ADAMTS18: variants seen among roughly 807,000 people sequenced by gnomAD.
ADAMTS18 encodes ADAM metallopeptidase with thrombospondin type 1 motif 18.
A neutral mutation model predicts 165.9 loss-of-function variants in ADAMTS18; 157 were observed. That is an observed-to-expected ratio of 0.95 (90% CI 0.83 to 1.08). The LOEUF is 1.08. Among genes scored for constraint, ADAMTS18 ranks in the 50% least tolerant of loss-of-function variants. The pLI is 0.00. For synonymous variants in ADAMTS18, 782 were observed against 578.2 expected (o/e 1.35, Z -5.06); for missense variants, 2,040 against 1,534.0 (o/e 1.33, Z -5.51).
intron 12 of ADAMTS18, among the ~76,000 whole-genome samples, chr16:77,334,777 TAGTATACAGTAA>T (rs2056273238): frequency 1.9e-5 from 2 of 106,616 alleles, no homozygotes; most frequent in Admixed American, 2.4e-4. Flanking sequence ...ATATATACTA[TAGTATACAGTAA>T]ATATACTATA....
At chr16:77,353,991 G>A in intron 9 of ADAMTS18, 105 bp from the exon 10 acceptor site, 3 of 1,377,178 alleles carry the variant, frequency 2.2e-6, no homozygotes, top group Non-Finnish European at 3.1e-6. Context: ...ATATAGCATG[G>A]TTCTAGAAAC....
chr16:77,391,405 C>G (rs574953335), intron 3 of ADAMTS18, among the ~76,000 whole-genome samples: 1 of 151,722 alleles, frequency 6.6e-6, no homozygotes, highest in Non-Finnish European at 1.5e-5. Context: ...GCAGAAGAAT[C>G]GCTTGAACCT....
chr16:77,337,882 A>G (rs1453841538), intron 11 of ADAMTS18, among the ~76,000 whole-genome samples: 1 of 150,814 alleles, frequency 6.6e-6, no homozygotes, highest in Non-Finnish European at 1.5e-5. Flanking sequence ...TACACCTGTA[A>G]TTTTATCCAT....
At position 77,282,567 on chromosome 16, in the gene ADAMTS18, G is replaced by C. The variant is rs1015508845; in HGVS notation, c.*1389C>G. 2 of 152,606 alleles carry C rather than the reference G, an allele frequency of 1.3e-5. No homozygotes were observed. Among genetic ancestry groups the C allele is most frequent in the African/African-American group, 2.4e-5 (1 of 41,454 alleles). 9.5% of individuals were successfully genotyped at this position (152,606 alleles called of 1,614,324 possible). A position where few individuals can be genotyped will look rare whatever the true frequency, so the allele number is the denominator to read the frequency against. ...TGATTATGCTGAGCTGGCTAATCCA[G>C]CTTGAATTGAGACTTTTTAAAGAAG... On this transcript the variant is annotated 3_prime_UTR_variant, in exon 23 of 23. Transcript: ENST00000282849.
At chr16:77,425,672 C>G (rs766261073) in intron 3 of ADAMTS18, among the ~76,000 whole-genome samples, 4 of 152,192 alleles carry the variant, frequency 2.6e-5, no homozygotes, top group Non-Finnish European at 5.9e-5. Flanking sequence ...TACAAATAAT[C>G]TCAGACTTAG....
chr16:77,344,871 C>T (rs1402788275), intron 10 of ADAMTS18, among the ~76,000 whole-genome samples: 4 of 152,082 alleles, frequency 2.6e-5, no homozygotes, highest in Non-Finnish European at 5.9e-5. Flanking sequence ...ACCATGAAAG[C>T]CCCTTGAGAA....
chr16:77,372,113 A>G (rs1287209757), intron 3 of ADAMTS18, among the ~76,000 whole-genome samples: 1 of 152,214 alleles, frequency 6.6e-6, no homozygotes, highest in Admixed American at 6.5e-5. Context: ...TATCACAATG[A>G]CAATAAATGC....
At chr16:77,353,701 T>C in intron 10 of ADAMTS18, 32 bp downstream of exon 10, 15 of 1,614,102 alleles carry the variant, frequency 9.3e-6, no homozygotes, top group African/African-American at 1.3e-5. Context: ...TGCAGAGTCT[T>C]AATGTAAGTT....
At chr16:77,363,958 G>T (rs562516016) in intron 5 of ADAMTS18, 73 bp from the exon 6 acceptor site, 2 of 1,419,224 alleles carry the variant, frequency 1.4e-6, no homozygotes, top group Admixed American at 1.7e-5. Context: ...CAGACATATT[G>T]ACTGAAGTAC....
chr16:77,310,276 C>G (rs979715401), intron 16 of ADAMTS18, among the ~76,000 whole-genome samples: 1 of 152,236 alleles, frequency 6.6e-6, no homozygotes, highest in African/African-American at 2.4e-5. Context: ...GTTCCAGACA[C>G]TGTGCCAATT....
In ADAMTS18 at chr16:77,383,459, T is replaced by C. The variant is rs2057061500; in HGVS notation, c.496-15736A>G. ...AAAAGCCAAGTTCCCATCTCAGATT[T>C]TTTTCATTTGCTGTTTCCTGTGCCT... On this transcript the variant is annotated intron_variant, in intron 3 of 22. Transcript: ENST00000282849. Among the ~76,000 whole-genome samples, 3 of 152,248 alleles carry C rather than the reference T, an allele frequency of 2.0e-5. No individual in the cohort carries two copies. The South Asian group carries it at 6.2e-4, about 32-fold the overall frequency.
chr16:77,405,411 T>C (rs2057381652), intron 3 of ADAMTS18, among the ~76,000 whole-genome samples: 1 of 152,168 alleles, frequency 6.6e-6, no homozygotes. Flanking sequence ...TTGTAATGCT[T>C]TGAATGAGCA....
chr16:77,429,607 AAAC>A lies in ADAMTS18; in HGVS notation c.495+1685_495+1687del, dbSNP rs1429506565. 5.9e-5 allele frequency among the ~76,000 whole-genome samples: 9 copies of A among 152,300 alleles called. No homozygotes were observed. The East Asian group carries it at 1.5e-3, about 26-fold the overall frequency. Reference sequence around the variant, plus strand: ...AAAAGTTTTAAAAAAAAATGGATAAAAACATCATGAAATCTTCATACAGAAAAA... The same window carrying A: ...AAAAGTTTTAAAAAAAAATGGATAAAATCATGAAATCTTCATACAGAAAAA... On this transcript the variant is annotated intron_variant, in intron 3 of 22. Transcript: ENST00000282849.
chr16:77,395,488 G>A (rs1437136491), intron 3 of ADAMTS18, among the ~76,000 whole-genome samples: 1 of 152,120 alleles, frequency 6.6e-6, no homozygotes, highest in Non-Finnish European at 1.5e-5. Context: ...CCTAGTTAAG[G>A]TATCTTCCTA....
intron 2 of ADAMTS18, among the ~76,000 whole-genome samples, chr16:77,433,724 C>T (rs34958839): frequency 0.46 from 70,549 of 152,040 alleles, 17,747 homozygotes; most frequent in Non-Finnish European, 0.58. Flanking sequence ...TCCTAGACAC[C>T]TTGCGTCAGG....
chr16:77,400,458 G>GTGTGTC (rs1555525329), intron 3 of ADAMTS18, among the ~76,000 whole-genome samples: 631 of 46,424 alleles, frequency 0.014, 2 homozygotes, highest in African/African-American at 0.028. Context: ...GTGTGTGTCT[G>GTGTGTC]TGTGTGTGTG....
chr16:77,380,426 C>A (rs1205484709), intron 3 of ADAMTS18, among the ~76,000 whole-genome samples: 1 of 152,148 alleles, frequency 6.6e-6, no homozygotes, highest in Non-Finnish European at 1.5e-5. Flanking sequence ...CAGAATACAG[C>A]GTCATGGCTG....
At chr16:77,424,210 T>G (rs1343725015) in intron 3 of ADAMTS18, among the ~76,000 whole-genome samples, 1 of 152,204 alleles carries the variant, frequency 6.6e-6, no homozygotes, top group Non-Finnish European at 1.5e-5. Context: ...GGCTCACGCC[T>G]GTAATCCCAG....
chr16:77,355,767 T>G (rs555127311), intron 9 of ADAMTS18, among the ~76,000 whole-genome samples, 173 bp downstream of exon 9: 1 of 152,306 alleles, frequency 6.6e-6, no homozygotes, highest in Admixed American at 6.5e-5. Context: ...TAGGCTTCAA[T>G]CTATTTTTTT....
Sources: gnomAD v4.1 joint callset for allele counts (sites outside exome capture counted in the v4.1 genomes callset) on GRCh38, gnomAD v4.1.1 for gene constraint, MANE v1.5 for transcripts, NCBI Gene and HGNC (gene_info 2026-07-23, HGNC 2026-07-21) for gene names.